The following SSRP1 variants were observed in gnomAD, a reference collection of about 807,000 sequenced individuals.
The protein encoded by SSRP1 is FACT complex subunit SSRP1.
SSRP1 carries 21 observed loss-of-function variants against 84.4 expected under a neutral mutation model. That is an observed-to-expected ratio of 0.25 (90% CI 0.18 to 0.36). The LOEUF (loss-of-function observed/expected upper bound fraction) is 0.36. Among genes scored for constraint, SSRP1 ranks in the 10% least tolerant of loss-of-function variants. The probability of loss-of-function intolerance (pLI) is 1.00; values close to 1 mark genes in which losing one functional copy is unlikely to be tolerated. For synonymous variants in SSRP1, 319 were observed against 318.3 expected (o/e 1.00, Z -0.02); for missense variants, 519 against 900.8 (o/e 0.58, Z 5.43).
At chr11:57,331,982 A>G (rs1246088158) in intron 8 of SSRP1, 93 bp from the exon 9 acceptor site, 17 of 1,492,946 alleles carry the variant, frequency 1.1e-5, no homozygotes, top group Non-Finnish European at 1.5e-5. Flanking sequence ...CATGTCCTCG[A>G]CTAAGTAAAC....
chr11:57,333,877 C>T (rs185179317), intron 3 of SSRP1, among the ~76,000 whole-genome samples: 248 of 152,328 alleles, frequency 1.6e-3, no homozygotes, highest in Non-Finnish European at 2.8e-3. Context: ...GCTAGCCAGG[C>T]GCAATGGCTC....
At position 57,326,374 on chromosome 11, in the gene SSRP1, G is replaced by A; in HGVS notation, c.*33C>T. 3.1e-6 allele frequency: 5 copies of A among 1,609,414 alleles called. No individual in the cohort carries two copies. The highest frequency in any genetic ancestry group is 3.4e-6 in the Non-Finnish European group (4 of 1,176,162). On this transcript the variant is annotated 3_prime_UTR_variant, in exon 17 of 17. Coordinates refer to ENST00000278412, the MANE Select transcript of SSRP1 (RefSeq NM_003146.3). The stretch of plus-strand genomic sequence containing the variant: ...ATGGGTGGGGAGTCGGGGGGTGTGA[G>A]AAGGCAAGCGCAAAGAGAACCTTCC...
Position 57,335,007 on chromosome 11 carries a change from G to C in SSRP1, c.54+61C>G. The C allele has an allele frequency of 6.3e-7, 1 of 1,591,670 alleles. No homozygotes were observed. The highest frequency in any genetic ancestry group is 1.7e-5 in the Admixed American group (1 of 59,974). On this transcript the variant is annotated intron_variant, in intron 2 of 16. Coordinates refer to ENST00000278412, the MANE Select transcript of SSRP1 (RefSeq NM_003146.3). This position sits in a 1 kb window ranked among gnomAD's most constrained non-coding sequence, Gnocchi z 4.6. ...TTACCAAAGCAAGCTCTCATTAATG[G>C]ACAAAAACTCTACCCTCCTTCCTTC... is the stretch of plus-strand genomic sequence containing the variant.
chr11:57,328,413 C>T lies in SSRP1; in HGVS notation c.1495G>A (p.Ala499Thr), dbSNP rs1472805398. 3.7e-6 allele frequency: 6 copies of T among 1,614,124 alleles called. No individual in the cohort carries two copies. Among genetic ancestry groups the T allele is most frequent in the Admixed American group, 3.3e-5 (2 of 60,022 alleles). The change falls in exon 13 of 17, where the codon GCC becomes ACC. Residue 499 changes from alanine (A) to threonine (T), a missense_variant. This residue lies in a region of SSRP1 where 197 missense variants were observed against 265.0 expected (regional missense o/e 0.74). Coordinates refer to ENST00000278412, the MANE Select transcript of SSRP1 (RefSeq NM_003146.3). ...EDVAEEFDSN[A>T]SASSSSNEGD... ...TCATTACTGGAGGAGCTGGCAGAGG[C>T]GTTGCTGTCAAACCTGCCAGAGAAC...
In SSRP1 at chr11:57,326,336, C is replaced by A; in HGVS notation, c.*71G>T. ...AGGGACTGCATTTCATGAGGAGAAA[C>A]TGGTACCAAAATATGGGTGGGGAGT... On this transcript the variant is annotated 3_prime_UTR_variant, in exon 17 of 17. Coordinates refer to ENST00000278412, the MANE Select transcript of SSRP1 (RefSeq NM_003146.3). 1 of 1,452,350 alleles carries A rather than the reference C, an allele frequency of 6.9e-7. No individual in the cohort carries two copies. The highest frequency in any genetic ancestry group is 9.6e-7 in the Non-Finnish European group (1 of 1,037,368). The allele number at this position is 1,452,350 out of a possible 1,614,324, so 90.0% of individuals were successfully genotyped here.
chr11:57,327,844 G>A lies in SSRP1; in HGVS notation c.1650C>T (p.Pro550=), dbSNP rs1427025394. 3 of 1,613,970 alleles carry A rather than the reference G, an allele frequency of 1.9e-6. No individual in the cohort carries two copies. Among genetic ancestry groups the A allele is most frequent in the African/African-American group, 1.3e-5 (1 of 74,910 alleles). Residue 550 remains proline (P), a synonymous_variant, in exon 14 of 17, where the codon CCC becomes CCT. Transcript: ENST00000278412. The part of the protein sequence containing the change: ...KGKDPNAPKR[P]MSAYMLWLNA... ...TGAGCCACAGCATGTATGCAGACAT[G>A]GGCCTCTTGGGGGCATTGGGGTCTT...
At chr11:57,333,912 G>A (rs1351942748) in intron 3 of SSRP1, among the ~76,000 whole-genome samples, 1 of 152,214 alleles carries the variant, frequency 6.6e-6, no homozygotes, top group Non-Finnish European at 1.5e-5. Context: ...AACCCTTTGG[G>A]AGGCCAAGGT....
rs997031471 is a variant in SSRP1 at position 57,332,065 on chromosome 11, C to T, written c.1001+87G>A. 1.3e-5 allele frequency: 20 copies of T among 1,595,210 alleles called. No homozygotes were observed. The highest frequency in any genetic ancestry group is 1.2e-4 in the Admixed American group (7 of 58,878). On this transcript the variant is annotated intron_variant, in intron 8 of 16. Coordinates refer to ENST00000278412, the MANE Select transcript of SSRP1 (RefSeq NM_003146.3). This position sits in a 1 kb window ranked among gnomAD's most constrained non-coding sequence, Gnocchi z 5.5. Reference sequence around the variant, plus strand: ...GGTCCCATCCAGGCCTCTAGGAGGCCGCATTCCCATCTCAGGAAGGGTTTA... The same window carrying T: ...GGTCCCATCCAGGCCTCTAGGAGGCTGCATTCCCATCTCAGGAAGGGTTTA...
At chr11:57,327,310 A>T in intron 15 of SSRP1, 116 bp downstream of exon 15, 1 of 1,060,508 alleles carries the variant, frequency 9.4e-7, no homozygotes, top group Non-Finnish European at 1.4e-6. Context: ...GCACTACCCT[A>T]CTGCAGTCAG....
intron 14 of SSRP1, 82 bp downstream of exon 14, chr11:57,327,630 A>G (rs1856011689): frequency 9.4e-6 from 15 of 1,600,696 alleles, no homozygotes; most frequent in Admixed American, 1.7e-5. Context: ...CTGCTCCCCT[A>G]TCAGTCATGA....
At chr11:57,334,727 T>G (rs1856172467) in intron 2 of SSRP1, 79 bp from the exon 3 acceptor site, 1 of 1,518,030 alleles carries the variant, frequency 6.6e-7, no homozygotes. Flanking sequence ...TAACACACAT[T>G]CCTGCTGCAA....
chr11:57,328,238 G>A, intron 13 of SSRP1, 59 bp downstream of exon 13: 1 of 1,587,694 alleles, frequency 6.3e-7, no homozygotes, highest in Non-Finnish European at 8.6e-7. Flanking sequence ...TAAAGAGAAT[G>A]CCTCCCACGC....
intron 4 of SSRP1, 132 bp from the exon 5 acceptor site, chr11:57,333,281 G>T (rs1856133170): frequency 1.7e-6 from 2 of 1,148,254 alleles, no homozygotes; most frequent in Non-Finnish European, 2.5e-6. Flanking sequence ...CCAACCCCAG[G>T]CAGTATACTG....
chr11:57,333,227 C>A, intron 4 of SSRP1, 78 bp from the exon 5 acceptor site: 1 of 1,477,374 alleles, frequency 6.8e-7, no homozygotes, highest in South Asian at 1.3e-5. Context: ...AAACTGAGTT[C>A]CACAGAGACA....
In SSRP1 at chr11:57,327,843, T is replaced by C; in HGVS notation, c.1651A>G (p.Met551Val). Residue 551 changes from methionine to valine, a missense_variant, in exon 14 of 17, where the codon ATG (methionine) becomes GTG (valine). By Grantham distance (21) the Met-to-Val change is conservative. Transcript: ENST00000278412. ...TTGAGCCACAGCATGTATGCAGACA[T>C]GGGCCTCTTGGGGGCATTGGGGTCT... ...GKDPNAPKRP[M>V]SAYMLWLNAS... The C allele has an allele frequency of 1.2e-6, 2 of 1,614,158 alleles. No homozygotes were observed. Among genetic ancestry groups the C allele is most frequent in the Non-Finnish European group, 1.7e-6 (2 of 1,180,014 alleles).
chr11:57,335,106 CCA>C lies in SSRP1; in HGVS notation c.14_15del (p.Leu5ArgfsTer15), dbSNP rs745354558. 5.6e-6 allele frequency: 9 copies of C among 1,614,140 alleles called. No individual in the cohort carries two copies. Among genetic ancestry groups the C allele is most frequent in the Non-Finnish European group, 6.8e-6 (8 of 1,180,004 alleles). On this transcript the variant is annotated frameshift_variant, in exon 2 of 17. Coordinates refer to ENST00000278412, the MANE Select transcript of SSRP1 (RefSeq NM_003146.3). LOFTEE classifies it high-confidence loss of function. The surrounding 1 kb of genome is among the most constrained non-coding windows in gnomAD (Gnocchi z 4.6). ...ACCTCCTGATAGACGTCGTTGAACT[CCA>C]GTGTCTCTGCCATGTCGACCCCTGC... Reference protein sequence around the residue: MAETLEFNDVYQEVK... With the variant: MAETXEFNDVYQEVK...
chr11:57,330,671 T>G lies in SSRP1; in HGVS notation c.1296+184A>C. The G allele has an allele frequency of 6.9e-7, 1 of 1,457,624 alleles. No individual in the cohort carries two copies. The highest frequency in any genetic ancestry group is 9.0e-7 in the Non-Finnish European group (1 of 1,111,178). 90.3% of individuals were successfully genotyped at this position (1,457,624 alleles called of 1,614,324 possible). ...CACTGGGGGCTCCTGAGGGGCTGCA[T>G]AGACTGGTCTAAGGTCATGCAGAGG... On this transcript the variant is annotated intron_variant, in intron 10 of 16. Coordinates refer to ENST00000278412, the MANE Select transcript of SSRP1 (RefSeq NM_003146.3). This position sits in a 1 kb window ranked among gnomAD's most constrained non-coding sequence, Gnocchi z 4.0.
At chr11:57,328,532 G>A in intron 12 of SSRP1, 106 bp from the exon 13 acceptor site, 1 of 1,483,902 alleles carries the variant, frequency 6.7e-7, no homozygotes, top group South Asian at 1.3e-5. Context: ...AAAGGGGCAA[G>A]GGAGGAAGAC....
Position 57,328,309 on chromosome 11 carries a change from C to T in SSRP1, c.1599G>A (p.Lys533=), listed in dbSNP as rs780240192. The change falls in exon 13 of 17, where the codon AAG becomes AAA. Residue 533 remains lysine (K), a synonymous_variant. Coordinates refer to ENST00000278412, the MANE Select transcript of SSRP1 (RefSeq NM_003146.3). ...CTACAGTCTGCACCTCCACAGGCTT[C>T]TTGCGGCTCTTGCGGTCCTTGGCCA... ...AKMAKDRKSR[K]KPVEVKKGKD... is the part of the protein sequence containing the mutation. 1.7e-5 allele frequency: 28 copies of T among 1,614,168 alleles called. No homozygotes were observed. In the East Asian group the frequency reaches 5.6e-4, roughly 32 times the overall value.
Sources: allele counts gnomAD v4.1 joint callset (sites outside exome capture counted in the v4.1 genomes callset), GRCh38; gene constraint gnomAD v4.1.1; regional missense constraint gnomAD v4.1.1; non-coding constraint Gnocchi (gnomAD v3.1); transcripts MANE v1.5; gene names NCBI Gene and HGNC (gene_info 2026-07-23, HGNC 2026-07-21).